Variants in RIPOR2 observed in about 807,000 individuals in gnomAD.
RIPOR2 encodes the protein RHO family interacting cell polarization regulator 2, also known as rho family-interacting cell polarization regulator 2.
A neutral mutation model predicts 114.5 loss-of-function variants in RIPOR2; 39 were observed. That is an observed-to-expected ratio of 0.34 (90% confidence interval 0.26 to 0.44). RIPOR2 has a LOEUF of 0.44. Ranked by LOEUF, RIPOR2 falls within the 20% of genes least tolerant of loss-of-function variation. RIPOR2 has a pLI of 1.00. For synonymous variants in RIPOR2, 445 were observed against 484.4 expected (o/e 0.92, Z 1.07); for missense variants, 1,007 against 1,255.1 (o/e 0.80, Z 2.99).
intron 1 of RIPOR2, among the ~76,000 whole-genome samples, chr6:24,924,232 A>G (rs1770699672): frequency 6.6e-6 from 1 of 152,292 alleles, no homozygotes; most frequent in Admixed American, 6.5e-5. Context: ...GCCTGGCACC[A>G]TCACTCCTTG....
intron 1 of RIPOR2, among the ~76,000 whole-genome samples, chr6:24,949,106 T>C (rs1400563533): frequency 6.6e-6 from 1 of 152,118 alleles, no homozygotes; most frequent in Non-Finnish European, 1.5e-5. Context: ...GAACCATATC[T>C]GGTGTGACAA....
intron 1 of RIPOR2, among the ~76,000 whole-genome samples, chr6:25,035,026 T>C (rs1777173468): frequency 6.6e-6 from 1 of 152,148 alleles, no homozygotes; most frequent in South Asian, 2.1e-4. Flanking sequence ...GATGAGAAAA[T>C]AGGTAACAAC....
intron 1 of RIPOR2, among the ~76,000 whole-genome samples, chr6:24,963,292 C>T (rs1004025050): frequency 6.6e-6 from 1 of 152,186 alleles, no homozygotes; most frequent in Non-Finnish European, 1.5e-5. Context: ...CTCGGCCTCC[C>T]AAAGTGCTGG....
At chr6:25,040,154 C>T (rs552040758) in intron 1 of RIPOR2, among the ~76,000 whole-genome samples, 89 of 149,726 alleles carry the variant, frequency 5.9e-4, no homozygotes, top group Middle Eastern at 3.4e-3. Context: ...TTTCGCTCAT[C>T]GCCCAGGCTG....
At position 24,817,976 on chromosome 6, in the gene RIPOR2, C is replaced by CTTTTTTTTTTTTTTTTTTTTTTTT. The variant is rs758675486; in HGVS notation, c.2952+565_2952+566insAAAAAAAAAAAAAAAAAAAAAAAA. ...ATATACTTTCCTTTTCTCTCTCTCTCTCTTTTTTTTTGAGACAGAGTCTGG... is the reference window on the plus strand; with the variant it reads ...ATATACTTTCCTTTTCTCTCTCTCTCTTTTTTTTTTTTTTTTTTTTTTTTTCTTTTTTTTTGAGACAGAGTCTGG... On this transcript the variant is annotated intron_variant, in intron 20 of 21. Coordinates refer to ENST00000643898, the MANE Select transcript of RIPOR2 (RefSeq NM_001286445.3). Among the ~76,000 whole-genome samples the CTTTTTTTTTTTTTTTTTTTTTTTT allele has an allele frequency of 3.6e-5, 3 of 84,448 alleles. 1 individual carries two copies. Among genetic ancestry groups the CTTTTTTTTTTTTTTTTTTTTTTTT allele is most frequent in the Non-Finnish European group, 5.0e-5 (2 of 39,914 alleles). The allele number at this position is 84,448 out of a possible 152,430, so 55.4% of individuals were successfully genotyped here. A position where few individuals can be genotyped will look rare whatever the true frequency, so the allele number is the denominator to read the frequency against.
intron 7 of RIPOR2, among the ~76,000 whole-genome samples, chr6:24,863,807 A>G (rs1194663642): frequency 6.6e-6 from 1 of 152,112 alleles, no homozygotes; most frequent in Non-Finnish European, 1.5e-5. Context: ...TATACTTTTC[A>G]TTACTTTGAT....
At chr6:25,023,431 G>C in intron 1 of RIPOR2, 1 of 766,818 alleles carries the variant, frequency 1.3e-6, no homozygotes, top group South Asian at 1.3e-5. Context: ...CCCGGCCCTT[G>C]AGGACGGACA....
At chr6:25,007,590 A>C (rs1775608681) in intron 1 of RIPOR2, among the ~76,000 whole-genome samples, 1 of 151,788 alleles carries the variant, frequency 6.6e-6, no homozygotes, top group South Asian at 2.1e-4. Flanking sequence ...TTGTTACTTC[A>C]TTTTCCTTTG....
At chr6:24,935,563 T>C (rs1212871497) in intron 1 of RIPOR2, among the ~76,000 whole-genome samples, 1 of 152,116 alleles carries the variant, frequency 6.6e-6, no homozygotes, top group Non-Finnish European at 1.5e-5. Context: ...AGGCAAAAAA[T>C]TTAGTACTAT....
chr6:25,002,318 C>T (rs964207475), intron 1 of RIPOR2, among the ~76,000 whole-genome samples: 2 of 152,160 alleles, frequency 1.3e-5, no homozygotes, highest in Admixed American at 6.5e-5. Flanking sequence ...AAGAACATAA[C>T]GTATGTCCTC....
At chr6:24,899,677 T>C (rs2114007680) in intron 1 of RIPOR2, among the ~76,000 whole-genome samples, 1 of 152,306 alleles carries the variant, frequency 6.6e-6, no homozygotes. Flanking sequence ...TAAGACAAAA[T>C]TGATCAAGGG....
chr6:25,019,909 G>T (rs1561847231), intron 1 of RIPOR2, among the ~76,000 whole-genome samples: 1 of 151,594 alleles, frequency 6.6e-6, no homozygotes, highest in Non-Finnish European at 1.5e-5. Context: ...TTATCATGGG[G>T]ATTTTTTATA....
chr6:24,868,077 A>G (rs984919014), intron 6 of RIPOR2, among the ~76,000 whole-genome samples: 14 of 152,220 alleles, frequency 9.2e-5, no homozygotes, highest in Admixed American at 5.2e-4. Flanking sequence ...TATTGAGTTT[A>G]GCAGAAATAG....
At chr6:24,877,661 CAT>C (rs1765931491) in intron 1 of RIPOR2, among the ~76,000 whole-genome samples, 1 of 152,154 alleles carries the variant, frequency 6.6e-6, no homozygotes, top group Admixed American at 6.5e-5. Context: ...AGCACTCAAA[CAT>C]AAATTTAATT....
In RIPOR2 at chr6:24,809,720, G is replaced by C. The variant is rs1781015035; in HGVS notation, c.3040C>G (p.Leu1014Val). Residue 1014 changes from leucine to valine, a missense_variant, in exon 21 of 22, where the codon CTG becomes GTG. Transcript: ENST00000643898. ...AAACAACAACAATAAAACTCACCCA[G>C]AGACAAGAGGGTTTCTGAGGCCACA... ...RNVASETLLS[L>V]GEDGRLAYEQ... 1.9e-6 allele frequency: 3 copies of C among 1,540,362 alleles called. No individual in the cohort carries two copies. The highest frequency in any genetic ancestry group is 1.4e-5 in the African/African-American group (1 of 72,852).
At chr6:24,810,306 G>C (rs1241159982) in intron 20 of RIPOR2, among the ~76,000 whole-genome samples, 1 of 152,156 alleles carries the variant, frequency 6.6e-6, no homozygotes, top group Non-Finnish European at 1.5e-5. Flanking sequence ...TCATTCCACA[G>C]CACACTCCTG....
chr6:24,905,668 C>T (rs1357520096), intron 1 of RIPOR2, among the ~76,000 whole-genome samples: 2 of 152,176 alleles, frequency 1.3e-5, no homozygotes, highest in East Asian at 3.8e-4. Flanking sequence ...ATAAATCAAG[C>T]GTCATACTGG....
At chr6:24,872,484 G>A (rs1307310802) in intron 4 of RIPOR2, among the ~76,000 whole-genome samples, 3 of 152,192 alleles carry the variant, frequency 2.0e-5, no homozygotes, top group Admixed American at 6.5e-5. Context: ...TTCCCAAAGT[G>A]TTGGGATAAC....
rs557472080 is a variant in RIPOR2 at position 24,851,061 on chromosome 6, A to G, written c.760-339T>C. Among the ~76,000 whole-genome samples, 62 of 151,892 alleles carry G rather than the reference A, an allele frequency of 4.1e-4. 1 individual carries two copies. Among genetic ancestry groups the G allele is most frequent in the African/African-American group, 1.3e-3 (53 of 41,440 alleles). ...CAGGCATGTGCCACCATGCCCGGCT[A>G]ATTTCTGTATTTTTAGTAAGACGGG... On this transcript the variant is annotated intron_variant, in intron 9 of 21. Transcript: ENST00000643898.
Sources: gnomAD v4.1 joint callset for allele counts (sites outside exome capture counted in the v4.1 genomes callset) on GRCh38, gnomAD v4.1.1 for gene constraint, MANE v1.5 for transcripts, NCBI Gene and HGNC (gene_info 2026-07-23, HGNC 2026-07-21) for gene names.